Variants in OR2L13 observed in about 807,000 individuals in gnomAD.
OR2L13 encodes the protein olfactory receptor family 2 subfamily L member 13, also known as olfactory receptor 2L13.
In OR2L13, 14 loss-of-function variants were observed where a neutral mutation model predicts 15.3. The ratio of observed to expected loss-of-function variants is 0.91; its 90% CI spans 0.60 to 1.43. OR2L13 has a LOEUF of 1.43. Among genes scored for constraint, OR2L13 ranks in the 40% most tolerant of loss-of-function variants. The pLI is 0.00. For synonymous variants in OR2L13, 152 were observed against 142.9 expected, an observed-to-expected ratio of 1.06 and a Z score of -0.45; for missense variants, 367 against 387.9, an observed-to-expected ratio of 0.95 and a Z score of 0.45.
chr1:248,022,413 T>C, the OR2L13 span: 1 of 1,614,210 alleles, frequency 6.2e-7, no homozygotes, highest in Admixed American at 1.7e-5. Context: ...CATCAACTCT[T>C]GTGCTCACAC....
chr1:248,063,620 C>T, the OR2L13 span, among the ~76,000 whole-genome samples: 630 of 152,334 alleles, frequency 4.1e-3, 3 homozygotes, highest in Non-Finnish European at 5.8e-3. Context: ...GGCCTTCCAT[C>T]ACGAGTCACT....
chr1:248,060,952 A>G, the OR2L13 span: 41 of 1,613,964 alleles, frequency 2.5e-5, no homozygotes, highest in Non-Finnish European at 3.0e-5. Context: ...TAACAAGTCT[A>G]TCTCCTTCAC....
chr1:248,061,861 T>C, the OR2L13 span: 4,766 of 348,670 alleles, frequency 0.014, 179 homozygotes, highest in African/African-American at 0.09. Context: ...TACTAATATG[T>C]TGTCAATGAG....
At chr1:247,973,482 T>C in the OR2L13 span, among the ~76,000 whole-genome samples, 10 of 151,758 alleles carry the variant, frequency 6.6e-5, no homozygotes, top group Non-Finnish European at 1.2e-4. Context: ...TATACATCAA[T>C]AATAGACAGA....
chr1:247,981,664 C>T, the OR2L13 span, among the ~76,000 whole-genome samples: 61 of 152,066 alleles, frequency 4.0e-4, 1 homozygote, highest in Non-Finnish European at 2.4e-4. Context: ...ACAGTCATAG[C>T]GGATAACAAG....
the OR2L13 span, among the ~76,000 whole-genome samples, chr1:248,011,804 C>T: frequency 1.4e-4 from 22 of 152,240 alleles, no homozygotes; most frequent in South Asian, 1.5e-3. Context: ...GCAATTGAAC[C>T]CTGTGGGTGG....
chr1:248,060,558 AGT>A, the OR2L13 span: 1 of 733,320 alleles, frequency 1.4e-6, no homozygotes, highest in Non-Finnish European at 2.4e-6. Flanking sequence ...TATAGGGCTC[AGT>A]GTCAACTCCA....
At chr1:247,996,236 G>A in the OR2L13 span, among the ~76,000 whole-genome samples, 1 of 152,306 alleles carries the variant, frequency 6.6e-6, no homozygotes, top group East Asian at 1.9e-4. Flanking sequence ...CTCCCCATAG[G>A]TGGAATGACA....
chr1:248,075,093 A>G, the OR2L13 span, among the ~76,000 whole-genome samples: 39 of 152,098 alleles, frequency 2.6e-4, no homozygotes, highest in Non-Finnish European at 2.6e-4. Context: ...TCATCGTTCA[A>G]TTCCCACCTA....
the OR2L13 span, among the ~76,000 whole-genome samples, chr1:248,044,909 G>C: frequency 1.3e-5 from 2 of 148,708 alleles, no homozygotes; most frequent in African/African-American, 4.9e-5. Context: ...GCTGACCTAT[G>C]ATTATTAAAC....
the OR2L13 span, among the ~76,000 whole-genome samples, chr1:247,969,707 T>C: frequency 6.6e-6 from 1 of 152,192 alleles, no homozygotes; most frequent in Non-Finnish European, 1.5e-5. Flanking sequence ...TATTTGGTAA[T>C]CTTTTTTCTC....
the OR2L13 span, chr1:248,021,807 T>G: frequency 1.8e-6 from 1 of 566,304 alleles, no homozygotes; most frequent in Admixed American, 3.3e-5. Flanking sequence ...ATATAAAAAA[T>G]AGTGTATATA....
the OR2L13 span, among the ~76,000 whole-genome samples, chr1:247,950,309 G>T: frequency 6.6e-6 from 1 of 152,068 alleles, no homozygotes; most frequent in Non-Finnish European, 1.5e-5. Flanking sequence ...TTAGCAGAAG[G>T]CTCATCAGTG....
At chr1:248,075,914 G>A in the OR2L13 span, among the ~76,000 whole-genome samples, 15 of 152,104 alleles carry the variant, frequency 9.9e-5, no homozygotes, top group Admixed American at 8.5e-4. Context: ...TAGTCATGAC[G>A]CCCTTGCCCT....
the OR2L13 span, chr1:248,003,938 G>A: frequency 3.7e-6 from 6 of 1,613,326 alleles, no homozygotes; most frequent in Non-Finnish European, 3.4e-6. Context: ...TCCAACAGAG[G>A]ACAAGGTTCT....
the OR2L13 span, among the ~76,000 whole-genome samples, chr1:247,978,597 TA>T: frequency 6.6e-6 from 1 of 152,198 alleles, no homozygotes; most frequent in East Asian, 1.9e-4. Flanking sequence ...AAATTTAAAA[TA>T]AACAGGTCAC....
the OR2L13 span, among the ~76,000 whole-genome samples, chr1:247,998,953 C>A: frequency 4.6e-3 from 704 of 152,206 alleles, 6 homozygotes; most frequent in African/African-American, 0.016. Context: ...TATTATTCAA[C>A]AGTCATAGCA....
chr1:248,040,376 A>G, the OR2L13 span: 1 of 152,238 alleles, frequency 6.6e-6, no homozygotes, highest in Admixed American at 6.5e-5. Flanking sequence ...GCCTCATATT[A>G]TCCAAGTGAC....
At chr1:248,070,326 C>T in the OR2L13 span, among the ~76,000 whole-genome samples, 1 of 151,890 alleles carries the variant, frequency 6.6e-6, no homozygotes, top group South Asian at 2.1e-4. Flanking sequence ...GAAACTCACT[C>T]AAAACCACTC....
Sources: allele counts gnomAD v4.1 joint callset (sites outside exome capture counted in the v4.1 genomes callset), GRCh38; gene constraint gnomAD v4.1.1; transcripts MANE v1.5; gene names NCBI Gene and HGNC (gene_info 2026-07-23, HGNC 2026-07-21).